The following DOCK2 variants were observed in gnomAD, a reference collection of about 807,000 sequenced individuals.
DOCK2 encodes dedicator of cytokinesis 2.
In DOCK2, 87 loss-of-function variants were observed where a neutral mutation model predicts 248.9. The ratio of observed to expected loss-of-function variants is 0.35; its 90% CI spans 0.29 to 0.42. DOCK2 has a LOEUF of 0.42. Ranked by LOEUF, DOCK2 falls within the 10% of genes least tolerant of loss-of-function variation. The pLI, the probability that DOCK2 is intolerant of heterozygous loss-of-function variation, is 1.00. For synonymous variants in DOCK2, 805 were observed against 821.6 expected (o/e 0.98, Z 0.35); for missense variants, 1,747 against 2,300.2 (o/e 0.76, Z 4.92).
intron 1 of DOCK2, among the ~76,000 whole-genome samples, chr5:169,644,484 G>A (rs1757337384): frequency 6.6e-6 from 1 of 152,058 alleles, no homozygotes; most frequent in Admixed American, 6.5e-5. Flanking sequence ...AGCCAGTGGT[G>A]ACTCCGAGGT....
chr5:170,029,112 G>A (rs918868530), intron 34 of DOCK2, among the ~76,000 whole-genome samples: 1 of 152,056 alleles, frequency 6.6e-6, no homozygotes, highest in Admixed American at 6.5e-5. Flanking sequence ...TGAATTGCTG[G>A]ATCATACGGC....
chr5:169,901,684 C>T (rs892725098), intron 27 of DOCK2, among the ~76,000 whole-genome samples: 2 of 151,884 alleles, frequency 1.3e-5, no homozygotes, highest in East Asian at 1.9e-4. Context: ...AAGTGTGAGG[C>T]GGAAAGATGT....
At chr5:169,767,440 C>T (rs185532) in intron 25 of DOCK2, among the ~76,000 whole-genome samples, 1 of 152,016 alleles carries the variant, frequency 6.6e-6, no homozygotes, top group Non-Finnish European at 1.5e-5. Flanking sequence ...TGGTGATCTT[C>T]TTTAACATCT....
At chr5:169,914,844 C>T (rs1774789019) in intron 27 of DOCK2, among the ~76,000 whole-genome samples, 1 of 152,230 alleles carries the variant, frequency 6.6e-6, no homozygotes, top group South Asian at 2.1e-4. Context: ...ACTTTTGCAT[C>T]CCATGGAGTA....
rs75120332 is a variant in DOCK2 at position 169,805,777 on chromosome 5, A to T, written c.2703+2571A>T. On this transcript the variant is annotated intron_variant, in intron 26 of 51. Coordinates refer to ENST00000520908, the MANE Select transcript of DOCK2 (RefSeq NM_004946.3). ...CGATACTTAGGGCTTCAAAGCCAAG[A>T]AGTGAGTGGGAGGCTCTGAGCTCCC... Among the ~76,000 whole-genome samples the T allele has an allele frequency of 3.4e-3, 524 of 152,328 alleles. 20 individuals carry two copies. The East Asian group carries it at 0.069, about 20-fold the overall frequency.
At chr5:169,723,483 A>G (rs1203642389) in intron 22 of DOCK2, among the ~76,000 whole-genome samples, 1 of 152,168 alleles carries the variant, frequency 6.6e-6, no homozygotes, top group Non-Finnish European at 1.5e-5. Flanking sequence ...TGCTGGTCAC[A>G]TAGCCAGTAT....
At chr5:169,908,713 CTTTTTTTT>C (rs34261104) in intron 27 of DOCK2, among the ~76,000 whole-genome samples, 47 of 105,076 alleles carry the variant, frequency 4.5e-4, no homozygotes, top group African/African-American at 7.6e-4. Context: ...TTTCTTTTTT[CTTTTTTTT>C]TTTTTTTTTT....
At chr5:169,974,129 C>T (rs2113770274) in intron 27 of DOCK2, among the ~76,000 whole-genome samples, 1 of 152,212 alleles carries the variant, frequency 6.6e-6, no homozygotes, top group East Asian at 1.9e-4. Context: ...TAAATGAAAG[C>T]ATTCTGAAGT....
chr5:169,698,532 T>A, intron 11 of DOCK2, 83 bp downstream of exon 11: 3 of 1,467,330 alleles, frequency 2.0e-6, no homozygotes, highest in Non-Finnish European at 2.9e-6. Flanking sequence ...GGGTACCAGT[T>A]CCCTGAGTTA....
intron 27 of DOCK2, chr5:169,883,436 G>T (rs1393965789): frequency 2.6e-6 from 4 of 1,551,554 alleles, no homozygotes; most frequent in Non-Finnish European, 3.5e-6. Flanking sequence ...TCAAGATGCT[G>T]AGCCAACCTT....
In DOCK2 at chr5:169,911,009, G is replaced by T. The variant is rs556850316; in HGVS notation, c.2799+70157G>T. Among the ~76,000 whole-genome samples, 25 of 152,272 alleles carry T rather than the reference G, an allele frequency of 1.6e-4. No homozygotes were observed. The East Asian group carries it at 2.1e-3, about 13-fold the overall frequency. ...AGTGAAACCCTCAGGTGCCTCCAAGGCCCCAGGAAAAGCATTTCTACCTTT... is the reference window on the plus strand; with the variant it reads ...AGTGAAACCCTCAGGTGCCTCCAAGTCCCCAGGAAAAGCATTTCTACCTTT... On this transcript the variant is annotated intron_variant, in intron 27 of 51. Coordinates refer to ENST00000520908, the MANE Select transcript of DOCK2 (RefSeq NM_004946.3).
Position 169,684,282 on chromosome 5 carries a change from G to A in DOCK2, c.693G>A (p.Val231=), listed in dbSNP as rs1214078906. 2 of 1,614,160 alleles carry A rather than the reference G, an allele frequency of 1.2e-6. No individual in the cohort carries two copies. Among genetic ancestry groups the A allele is most frequent in the East Asian group, 4.5e-5 (2 of 44,882 alleles). The change falls in exon 8 of 52, where the codon GTG becomes GTA. Residue 231 remains valine (V), a synonymous_variant. Coordinates refer to ENST00000520908, the MANE Select transcript of DOCK2 (RefSeq NM_004946.3). ...TCTATGTGTTTGTGAGAAACTTTGT[G>A]TGCAGAATTGGGGAAGATGCTGAGC... ...HSLYVFVRNF[V]CRIGEDAELF...
At chr5:169,804,437 AGTGTGTGTGTGTGTGT>A (rs55660700) in intron 26 of DOCK2, among the ~76,000 whole-genome samples, 2,904 of 134,644 alleles carry the variant, frequency 0.022, 59 homozygotes, top group Middle Eastern at 0.03. Context: ...AGAGCTACAA[AGTGTGTGTGTGTGTGT>A]GTGTGTGTGT....
chr5:169,638,576 C>T (rs903036453), intron 1 of DOCK2, among the ~76,000 whole-genome samples: 2 of 152,120 alleles, frequency 1.3e-5, no homozygotes, highest in Non-Finnish European at 1.5e-5. Flanking sequence ...TGGGGTTATG[C>T]ATGGAAAGCA....
chr5:169,925,107 C>G (rs1775364786), intron 27 of DOCK2, among the ~76,000 whole-genome samples: 1 of 152,082 alleles, frequency 6.6e-6, no homozygotes, highest in Non-Finnish European at 1.5e-5. Flanking sequence ...CACCCCAACC[C>G]CCCATTCATC....
intron 26 of DOCK2, among the ~76,000 whole-genome samples, chr5:169,822,765 G>A (rs1029342787): frequency 1.3e-5 from 2 of 152,082 alleles, no homozygotes; most frequent in Non-Finnish European, 2.9e-5. Flanking sequence ...AAATAACTAA[G>A]ATCAGAGCAG....
At position 169,911,283 on chromosome 5, in the gene DOCK2, C is replaced by T. The variant is rs572579881; in HGVS notation, c.2799+70431C>T. On this transcript the variant is annotated intron_variant, in intron 27 of 51. Transcript: ENST00000520908. ...TCATGCCTTTCTCAGATCCTTATTA[C>T]GCCTCTGCTGCATTCCACACACATA... Among the ~76,000 whole-genome samples, 21 of 152,280 alleles carry T rather than the reference C, an allele frequency of 1.4e-4. No homozygotes were observed. In the East Asian group the frequency reaches 2.5e-3, roughly 18 times the overall value.
At chr5:169,677,304 T>C (rs563772423) in intron 6 of DOCK2, among the ~76,000 whole-genome samples, 1 of 152,322 alleles carries the variant, frequency 6.6e-6, no homozygotes, top group South Asian at 2.1e-4. Flanking sequence ...CACACCACTA[T>C]AACTCTAAGT....
At chr5:169,975,034 G>T (rs1359364839) in intron 27 of DOCK2, among the ~76,000 whole-genome samples, 2 of 152,062 alleles carry the variant, frequency 1.3e-5, no homozygotes, top group South Asian at 2.1e-4. Context: ...ATTCAACTCT[G>T]CATGACAGGG....
Sources: allele counts gnomAD v4.1 joint callset (sites outside exome capture counted in the v4.1 genomes callset), GRCh38; gene constraint gnomAD v4.1.1; transcripts MANE v1.5; gene names NCBI Gene and HGNC (gene_info 2026-07-23, HGNC 2026-07-21).